Variants in CLVS1 observed in about 807,000 individuals in gnomAD.
The protein encoded by CLVS1 is clavesin 1.
In CLVS1, 10 loss-of-function variants were observed where a neutral mutation model predicts 33.1. The ratio of observed to expected loss-of-function variants is 0.30; its 90% CI spans 0.19 to 0.51. The LOEUF (loss-of-function observed/expected upper bound fraction) is 0.51. CLVS1 is among the 20% of genes least tolerant of loss of function. CLVS1 has a pLI of 0.97. For missense variants in CLVS1, 343 were observed against 433.4 expected, an observed-to-expected ratio of 0.79 and a Z score of 1.85; for synonymous variants, 163 against 166.1, an observed-to-expected ratio of 0.98 and a Z score of 0.14.
chr8:61,343,754 G>A (rs1186008188), intron 2 of CLVS1, among the ~76,000 whole-genome samples: 1 of 152,036 alleles, frequency 6.6e-6, no homozygotes, highest in African/African-American at 2.4e-5. Context: ...AAATCCTCAG[G>A]GGACACCTCT....
At chr8:61,252,649 T>A (rs377611640) in intron 2 of CLVS1, among the ~76,000 whole-genome samples, 1 of 152,356 alleles carries the variant, frequency 6.6e-6, no homozygotes, top group East Asian at 1.9e-4. Flanking sequence ...TCCTGCTGAA[T>A]TGGTCCCTTT....
chr8:61,067,577 T>A (rs1804706377), intron 1 of CLVS1, among the ~76,000 whole-genome samples: 1 of 151,932 alleles, frequency 6.6e-6, no homozygotes, highest in Non-Finnish European at 1.5e-5. Context: ...TTTAAAAAGC[T>A]AACACTTCAG....
intron 1 of CLVS1, among the ~76,000 whole-genome samples, chr8:61,076,678 C>T (rs1804916512): frequency 6.6e-6 from 1 of 152,194 alleles, no homozygotes; most frequent in African/African-American, 2.4e-5. Flanking sequence ...CAGATGCTTC[C>T]ATTTGTGGTA....
At chr8:60,989,011 T>C in the CLVS1 span, among the ~76,000 whole-genome samples, 2 of 152,090 alleles carry the variant, frequency 1.3e-5, no homozygotes, top group Non-Finnish European at 2.9e-5. Context: ...ACTACAGGTG[T>C]GGGCCACCAT....
the CLVS1 span, among the ~76,000 whole-genome samples, chr8:60,991,431 T>C: frequency 1.6e-3 from 238 of 152,348 alleles, 1 homozygote; most frequent in African/African-American, 5.5e-3. Flanking sequence ...GGAAAACATG[T>C]GAATGTGTTG....
chr8:61,038,869 T>C, the CLVS1 span, among the ~76,000 whole-genome samples: 1 of 152,224 alleles, frequency 6.6e-6, no homozygotes, highest in Non-Finnish European at 1.5e-5. Flanking sequence ...ACTAGATGTC[T>C]CTGAGATAGG....
At position 61,458,299 on chromosome 8, in the gene CLVS1, C is replaced by T; in HGVS notation, c.742-8C>T. 4.4e-6 allele frequency: 7 copies of T among 1,595,346 alleles called. No individual in the cohort carries two copies. Among genetic ancestry groups the T allele is most frequent in the Middle Eastern group, 1.7e-4 (1 of 5,972 alleles). Reference sequence around the variant, plus strand: ...TGTATTGCTAATTACTTTTTGTTTTCTTTACAGATTTTCCTGCATGGAAAC... The same window carrying T: ...TGTATTGCTAATTACTTTTTGTTTTTTTTACAGATTTTCCTGCATGGAAAC... On this transcript the variant is annotated splice_region_variant and splice_polypyrimidine_tract_variant and intron_variant, in intron 4 of 5. Transcript: ENST00000325897.
intron 2 of CLVS1, among the ~76,000 whole-genome samples, chr8:61,318,231 T>G (rs935093286): frequency 6.6e-6 from 1 of 152,234 alleles, no homozygotes; most frequent in African/African-American, 2.4e-5. Flanking sequence ...TTTTTCTCTC[T>G]AGTGGCTTTA....
intron 1 of CLVS1, among the ~76,000 whole-genome samples, chr8:61,105,824 A>G (rs1326219612): frequency 2.0e-5 from 3 of 151,942 alleles, no homozygotes; most frequent in African/African-American, 4.8e-5. Flanking sequence ...ATCAGCAGCT[A>G]TAGGATAAAG....
At chr8:61,287,969 C>G (rs1015380132), upstream of CLVS1, 4 of 388,068 alleles carry the variant, frequency 1.0e-5, no homozygotes, top group Admixed American at 2.9e-5. Flanking sequence ...CGGGCGCACA[C>G]GCCTCCTACC....
chr8:61,240,246 G>A (rs1183120510), intron 2 of CLVS1, among the ~76,000 whole-genome samples: 2 of 152,140 alleles, frequency 1.3e-5, no homozygotes, highest in African/African-American at 4.8e-5. Flanking sequence ...ACTAGACCTG[G>A]TCTTTTCTTC....
intron 2 of CLVS1, among the ~76,000 whole-genome samples, chr8:61,304,587 G>A (rs1810551867): frequency 6.6e-6 from 1 of 152,212 alleles, no homozygotes; most frequent in South Asian, 2.1e-4. Flanking sequence ...GCTGGTCGAT[G>A]AGCCCTCTGA....
At position 61,098,128 on chromosome 8, in the gene CLVS1, C is replaced by G. The variant is rs924247548; in HGVS notation, c.-242-33642C>G. On this transcript the variant is annotated intron_variant, in intron 1 of 2. Coordinates refer to the CLVS1 transcript ENST00000522621. ...TGAGCTGTGATCGCACCACTGCACTCCAGCCTGAGTGACAGAGCGAGACTC... is the reference window on the plus strand; with the variant it reads ...TGAGCTGTGATCGCACCACTGCACTGCAGCCTGAGTGACAGAGCGAGACTC... Among the ~76,000 whole-genome samples, 55 of 152,076 alleles carry G rather than the reference C, an allele frequency of 3.6e-4. 1 individual carries two copies. The highest frequency in any genetic ancestry group is 1.3e-3 in the African/African-American group (54 of 41,404).
At chr8:61,260,179 A>T (rs1225808716) in intron 2 of CLVS1, among the ~76,000 whole-genome samples, 2 of 152,144 alleles carry the variant, frequency 1.3e-5, no homozygotes, top group Non-Finnish European at 2.9e-5. Context: ...GAGCACTTAC[A>T]TGCTATACTT....
chr8:61,223,080 T>C (rs1395444186), intron 2 of CLVS1, among the ~76,000 whole-genome samples: 1 of 152,110 alleles, frequency 6.6e-6, no homozygotes, highest in Non-Finnish European at 1.5e-5. Context: ...TCTTTGCACA[T>C]AAGATGGGCC....
intron 2 of CLVS1, among the ~76,000 whole-genome samples, chr8:61,221,703 T>C (rs1423028434): frequency 1.3e-5 from 2 of 152,200 alleles, no homozygotes; most frequent in Non-Finnish European, 2.9e-5. Context: ...CTTCATAAAA[T>C]GAGTGATGGA....
At chr8:61,221,577 T>A (rs1242181982) in intron 2 of CLVS1, among the ~76,000 whole-genome samples, 2 of 152,202 alleles carry the variant, frequency 1.3e-5, no homozygotes, top group East Asian at 3.8e-4. Flanking sequence ...GCTGCTGGAT[T>A]CAGTTTGCCA....
the CLVS1 span, among the ~76,000 whole-genome samples, chr8:60,975,568 T>C: frequency 6.6e-6 from 1 of 152,128 alleles, no homozygotes; most frequent in Non-Finnish European, 1.5e-5. Flanking sequence ...AGCCCCCAGA[T>C]GCAGGAAGAG....
At chr8:61,437,973 C>A (rs1209534999) in intron 3 of CLVS1, among the ~76,000 whole-genome samples, 1 of 152,132 alleles carries the variant, frequency 6.6e-6, no homozygotes, top group Non-Finnish European at 1.5e-5. Flanking sequence ...GATTCAAATT[C>A]CACTCGGCCT....
Sources: allele counts gnomAD v4.1 joint callset (sites outside exome capture counted in the v4.1 genomes callset), GRCh38; gene constraint gnomAD v4.1.1; transcripts MANE v1.5; gene names NCBI Gene and HGNC (gene_info 2026-07-23, HGNC 2026-07-21).